The following ATP11A variants were observed in gnomAD, a reference collection of about 807,000 sequenced individuals.
ATP11A encodes the protein phospholipid-transporting ATPase IH.
In ATP11A, 81 loss-of-function variants were observed where a neutral mutation model predicts 154.4. That is an observed-to-expected ratio of 0.52 (90% CI 0.44 to 0.63). ATP11A has a LOEUF of 0.63. Among genes scored for constraint, ATP11A ranks in the 30% least tolerant of loss-of-function variants. The pLI, the probability that ATP11A is intolerant of heterozygous loss-of-function variation, is 0.00. For missense variants in ATP11A, 1,316 were observed against 1,474.3 expected (o/e 0.89, Z 1.76); for synonymous variants, 623 against 585.9 (o/e 1.06, Z -0.91).
intron 1 of ATP11A, among the ~76,000 whole-genome samples, chr13:112,722,157 G>C (rs1008305471): frequency 1.3e-5 from 2 of 152,092 alleles, no homozygotes; most frequent in Admixed American, 1.3e-4. Flanking sequence ...CCTAAGAACA[G>C]GTGCCAAAGT....
chr13:112,856,221 A>G lies in ATP11A; in HGVS notation c.2418+136A>G, dbSNP rs111820195. The G allele has an allele frequency of 3.3e-4, 292 of 875,076 alleles. 1 individual carries two copies. In the African/African-American group the frequency reaches 4.5e-3, roughly 13 times the overall value. The allele number at this position is 875,076 out of a possible 1,614,324, so 54.2% of individuals were successfully genotyped here. A position where few individuals can be genotyped will look rare whatever the true frequency, so the allele number is the denominator to read the frequency against. On this transcript the variant is annotated intron_variant, in intron 20 of 29. Transcript: ENST00000375645. The stretch of plus-strand genomic sequence containing the variant: ...TGTTAAAAATAGAAGCAACCGTGAT[A>G]GAGATTTAAAACGCAGATCTTGTTT...
chr13:112,849,764 G>A (rs555336797), intron 17 of ATP11A, among the ~76,000 whole-genome samples: 1 of 152,370 alleles, frequency 6.6e-6, no homozygotes, highest in African/African-American at 2.4e-5. Flanking sequence ...CACAGCCAGA[G>A]AACCCAGTGC....
intron 28 of ATP11A, among the ~76,000 whole-genome samples, chr13:112,877,771 A>G (rs1313345838): frequency 3.3e-5 from 5 of 152,200 alleles, no homozygotes; most frequent in Non-Finnish European, 1.5e-5. Context: ...CGCAGCCTCC[A>G]GAGTCGGGGC....
At chr13:112,805,415 G>A (rs145435362) in intron 3 of ATP11A, among the ~76,000 whole-genome samples, 39 of 152,256 alleles carry the variant, frequency 2.6e-4, no homozygotes, top group African/African-American at 7.7e-4. Flanking sequence ...AATCCAGGCC[G>A]GGCACAGTGG....
At chr13:112,816,574 G>T (rs2078652857) in intron 6 of ATP11A, among the ~76,000 whole-genome samples, 1 of 152,094 alleles carries the variant, frequency 6.6e-6, no homozygotes, top group African/African-American at 2.4e-5. Flanking sequence ...ACTCGATGCG[G>T]CAAAACCCTG....
rs1312919158 is a variant in ATP11A at position 112,799,748 on chromosome 13, A to G, written c.163-5209A>G. 3.3e-5 allele frequency among the ~76,000 whole-genome samples: 5 copies of G among 152,372 alleles called. No homozygotes were observed. The South Asian group carries it at 1.0e-3, about 32-fold the overall frequency. ...AATAGCAGACCACACATTCTTCTCA[A>G]GTTCACATGGAACATTTGCCATGAC... is the stretch of plus-strand genomic sequence containing the variant. On this transcript the variant is annotated intron_variant, in intron 2 of 29. Coordinates refer to ENST00000375645, the MANE Select transcript of ATP11A (RefSeq NM_015205.3).
intron 3 of ATP11A, among the ~76,000 whole-genome samples, 189 bp from the exon 4 acceptor site, chr13:112,806,024 G>A (rs1457410492): frequency 6.6e-6 from 1 of 152,040 alleles, no homozygotes; most frequent in African/African-American, 2.4e-5. Context: ...TAAAAAAGGT[G>A]CCCTCATTTT....
rs371280370 is a variant in ATP11A at position 112,862,609 on chromosome 13, G to C, written c.2991+34G>C. 1.2e-5 allele frequency: 20 copies of C among 1,613,352 alleles called. No individual in the cohort carries two copies. The African/African-American group carries it at 2.5e-4, about 20-fold the overall frequency. Reference sequence around the variant, plus strand: ...AGAGCTCGATTGCGCTGACTTAGCTGCTTAGGAATAAAGCCTCCCAAGCCC... The same window carrying C: ...AGAGCTCGATTGCGCTGACTTAGCTCCTTAGGAATAAAGCCTCCCAAGCCC... On this transcript the variant is annotated intron_variant, in intron 25 of 29. Transcript: ENST00000375645.
intron 1 of ATP11A, among the ~76,000 whole-genome samples, chr13:112,713,516 TAAAA>T (rs1346490594): frequency 1.3e-5 from 2 of 152,156 alleles, no homozygotes; most frequent in African/African-American, 4.8e-5. Context: ...CAAGTATAAA[TAAAA>T]AAATTGTGCA....
At chr13:112,695,253 G>A (rs760691784) in intron 1 of ATP11A, among the ~76,000 whole-genome samples, 2 of 152,222 alleles carry the variant, frequency 1.3e-5, no homozygotes, top group Non-Finnish European at 2.9e-5. Context: ...CTGAGGCATA[G>A]AATCCAAGAC....
At chr13:112,720,980 G>T (rs969460698) in intron 1 of ATP11A, among the ~76,000 whole-genome samples, 1 of 152,156 alleles carries the variant, frequency 6.6e-6, no homozygotes, top group Admixed American at 6.5e-5. Flanking sequence ...TTCTGTTAGT[G>T]GGGGCCGAGC....
chr13:112,858,577 G>A (rs977944034), intron 22 of ATP11A: 18 of 286,500 alleles, frequency 6.3e-5, no homozygotes, highest in Admixed American at 9.6e-5. Flanking sequence ...TCCGAGCAGC[G>A]TGATGAAGTC....
At chr13:112,731,364 C>G (rs1890466167) in intron 1 of ATP11A, among the ~76,000 whole-genome samples, 1 of 152,158 alleles carries the variant, frequency 6.6e-6, no homozygotes, top group Admixed American at 6.5e-5. Context: ...GAAATGCCAT[C>G]TAAGCAGAAA....
At chr13:112,710,567 G>A (rs557587683) in intron 1 of ATP11A, among the ~76,000 whole-genome samples, 2 of 152,316 alleles carry the variant, frequency 1.3e-5, no homozygotes, top group South Asian at 2.1e-4. Flanking sequence ...TCCAGGAGGC[G>A]GCGGAGGCCT....
chr13:112,850,991 A>T lies in ATP11A; in HGVS notation c.1810-46A>T, dbSNP rs79217075. 4.5e-4 allele frequency: 707 copies of T among 1,579,654 alleles called. 6 individuals carry two copies. In the East Asian group the frequency reaches 0.015, roughly 34 times the overall value. The stretch of plus-strand genomic sequence containing the variant: ...AGGCCGTGGAGCGTAATATTTCAGC[A>T]AGTGACACCTTGAATTCGTGCTAAA... On this transcript the variant is annotated intron_variant, in intron 17 of 29. Transcript: ENST00000375645.
At chr13:112,710,732 A>G (rs1444919721) in intron 1 of ATP11A, among the ~76,000 whole-genome samples, 1 of 152,202 alleles carries the variant, frequency 6.6e-6, no homozygotes, top group African/African-American at 2.4e-5. Flanking sequence ...TGAGGGGAAG[A>G]CCAGTTCCAG....
chr13:112,695,798 C>T (rs1356697745), intron 1 of ATP11A, among the ~76,000 whole-genome samples: 1 of 152,166 alleles, frequency 6.6e-6, no homozygotes, highest in East Asian at 1.9e-4. Flanking sequence ...TCAATAGAAA[C>T]AGGGTTAATA....
Position 112,857,821 on chromosome 13 carries a change from G to A in ATP11A, c.2422G>A (p.Val808Ile). The A allele has an allele frequency of 3.7e-6, 6 of 1,612,742 alleles. No homozygotes were observed. The highest frequency in any genetic ancestry group is 4.2e-6 in the Non-Finnish European group (5 of 1,178,740). The change falls in exon 21 of 30, where the codon GTT becomes ATT. Residue 808 changes from valine (V) to isoleucine (I), a missense_variant. Val to Ile is a conservative substitution (Grantham distance 29). This residue lies in a region of ATP11A where 876 missense variants were observed against 1,006.8 expected (regional missense o/e 0.87). Coordinates refer to ENST00000375645, the MANE Select transcript of ATP11A (RefSeq NM_015205.3). ...RMAPLQKAQI[V>I]KLIKFSKEHP... ...TCCGCATTTCTTTCTTTTGCAGATT[G>A]TTAAATTAATCAAATTTTCAAAAGA...
intron 1 of ATP11A, among the ~76,000 whole-genome samples, chr13:112,692,708 A>T (rs1885342914): frequency 6.6e-6 from 1 of 152,122 alleles, no homozygotes. Flanking sequence ...CAGTGTATTC[A>T]TCTGGCTACC....
Sources: allele counts gnomAD v4.1 joint callset (sites outside exome capture counted in the v4.1 genomes callset), GRCh38; gene constraint gnomAD v4.1.1; regional missense constraint gnomAD v4.1.1; transcripts MANE v1.5; gene names NCBI Gene and HGNC (gene_info 2026-07-23, HGNC 2026-07-21).